ME1: variants seen among roughly 807,000 people sequenced by gnomAD.
ME1 encodes NADP-dependent malic enzyme.
ME1 carries 74 observed loss-of-function variants against 66.4 expected under a neutral mutation model. The ratio of observed to expected loss-of-function variants is 1.11; its 90% CI spans 0.92 to 1.35. The LOEUF is 1.35. Ranked by LOEUF, ME1 falls within the 40% of genes most tolerant of loss-of-function variation. The pLI is 0.00. For missense variants in ME1, 750 were observed against 694.1 expected (o/e 1.08, Z -0.90); for synonymous variants, 251 against 235.6 (o/e 1.07, Z -0.60).
In ME1 at chr6:83,281,806, CAAAAAAAAAAAAAAAAAAAAA is replaced by C. The variant is rs140157932; in HGVS notation, c.705-28089_705-28069del. Among the ~76,000 whole-genome samples, 14 of 13,284 alleles carry C rather than the reference CAAAAAAAAAAAAAAAAAAAAA, an allele frequency of 1.1e-3. No homozygotes were observed. The South Asian group carries it at 0.059, about 56-fold the overall frequency. 8.7% of individuals were successfully genotyped at this position (13,284 alleles called of 152,430 possible). A position where few individuals can be genotyped will look rare whatever the true frequency, so the allele number is the denominator to read the frequency against. ...GGGTGACAGACTGAGACTCTGTCTC[CAAAAAAAAAAAAAAAAAAAAA>C]AAAAAAAAGAAAAGAAAACAAAAAA... is the stretch of plus-strand genomic sequence containing the variant. On this transcript the variant is annotated intron_variant, in intron 6 of 13. Coordinates refer to ENST00000369705, the MANE Select transcript of ME1 (RefSeq NM_002395.6).
intron 7 of ME1, among the ~76,000 whole-genome samples, chr6:83,242,720 A>G (rs1790532087): frequency 6.6e-6 from 1 of 152,196 alleles, no homozygotes; most frequent in Admixed American, 6.5e-5. Flanking sequence ...AAAAAATTAA[A>G]AAGACTAAGA....
intron 6 of ME1, among the ~76,000 whole-genome samples, chr6:83,290,230 T>C (rs576420671): frequency 1.3e-5 from 2 of 152,320 alleles, no homozygotes; most frequent in East Asian, 1.9e-4. Context: ...AGGATGTCGA[T>C]TTTAGATCTC....
chr6:83,359,346 G>A (rs1768960855), intron 3 of ME1, among the ~76,000 whole-genome samples: 1 of 152,198 alleles, frequency 6.6e-6, no homozygotes, highest in South Asian at 2.1e-4. Context: ...ATGAGGAGGT[G>A]CGTTATGCTT....
chr6:83,425,555 G>T (rs554957995), intron 1 of ME1, among the ~76,000 whole-genome samples: 15 of 151,998 alleles, frequency 9.9e-5, no homozygotes, highest in African/African-American at 1.7e-4. Flanking sequence ...ATCAGATCTC[G>T]TGAGAACTCA....
chr6:83,232,579 TAA>T (rs1310539209), intron 9 of ME1, among the ~76,000 whole-genome samples: 5 of 152,064 alleles, frequency 3.3e-5, no homozygotes, highest in Non-Finnish European at 7.4e-5. Context: ...CTATTTGAAA[TAA>T]AAAAGAGGGA....
At chr6:83,214,037 CA>C (rs1789947718) in intron 13 of ME1, among the ~76,000 whole-genome samples, 1 of 152,086 alleles carries the variant, frequency 6.6e-6, no homozygotes, top group South Asian at 2.1e-4. Context: ...ATAATTCACA[CA>C]AAATTCAAGC....
At chr6:83,296,003 C>T (rs559724461) in intron 6 of ME1, among the ~76,000 whole-genome samples, 78 of 152,056 alleles carry the variant, frequency 5.1e-4, no homozygotes, top group African/African-American at 1.8e-3. Flanking sequence ...CAATAATGAG[C>T]GCCAAAATTA....
intron 3 of ME1, among the ~76,000 whole-genome samples, chr6:83,389,972 T>C (rs1769588490): frequency 6.6e-6 from 1 of 151,986 alleles, no homozygotes; most frequent in African/African-American, 2.4e-5. Flanking sequence ...TGATTATCTA[T>C]GACATCTGAA....
chr6:83,334,082 A>G (rs556437944), intron 5 of ME1, among the ~76,000 whole-genome samples: 1 of 152,244 alleles, frequency 6.6e-6, no homozygotes, highest in African/African-American at 2.4e-5. Flanking sequence ...GGAGTGCCAG[A>G]CAGTGGGCGC....
chr6:83,427,187 A>G (rs1770389603), intron 1 of ME1, among the ~76,000 whole-genome samples: 1 of 152,214 alleles, frequency 6.6e-6, no homozygotes, highest in East Asian at 1.9e-4. Flanking sequence ...AAATCTCATA[A>G]ACATGAGGCA....
At chr6:83,357,927 C>A (rs1288617117) in intron 3 of ME1, among the ~76,000 whole-genome samples, 5 of 58,332 alleles carry the variant, frequency 8.6e-5, no homozygotes, top group East Asian at 1.1e-3. Flanking sequence ...CTCTCTCTCT[C>A]TCTCTCTCTA....
intron 1 of ME1, among the ~76,000 whole-genome samples, chr6:83,424,864 T>C (rs904312188): frequency 3.3e-5 from 5 of 152,220 alleles, no homozygotes; most frequent in African/African-American, 1.2e-4. Context: ...CTGGACTTAC[T>C]AGATGGCCAT....
intron 5 of ME1, among the ~76,000 whole-genome samples, chr6:83,321,820 C>T (rs550561375): frequency 6.6e-6 from 1 of 152,246 alleles, no homozygotes; most frequent in Non-Finnish European, 1.5e-5. Context: ...AGACTGCCTC[C>T]TCAAGTGGGT....
intron 6 of ME1, among the ~76,000 whole-genome samples, chr6:83,271,038 A>G (rs1049619277): frequency 6.6e-6 from 1 of 151,136 alleles, no homozygotes; most frequent in African/African-American, 2.4e-5. Flanking sequence ...AAAAAAAAAA[A>G]TCTAACTAGA....
At chr6:83,332,622 G>A (rs149416668) in intron 5 of ME1, among the ~76,000 whole-genome samples, 237 of 152,268 alleles carry the variant, frequency 1.6e-3, no homozygotes, top group Non-Finnish European at 2.6e-3. Flanking sequence ...GGATGAAACT[G>A]GAGGCTATTA....
At chr6:83,401,898 G>A (rs1450934729) in intron 2 of ME1, among the ~76,000 whole-genome samples, 1 of 152,180 alleles carries the variant, frequency 6.6e-6, no homozygotes, top group African/African-American at 2.4e-5. Context: ...TCCATTATGG[G>A]AAGGACAACT....
In ME1 at chr6:83,268,712, C is replaced by T. The variant is rs368681087; in HGVS notation, c.705-14974G>A. Among the ~76,000 whole-genome samples the T allele has an allele frequency of 4.0e-5, 6 of 149,610 alleles. 1 individual carries two copies. In the South Asian group the frequency reaches 6.4e-4, roughly 16 times the overall value. ...CCATAAGTATCTGGGACCACAGGCGCGCATCACCATGCCCCGTTATTATTA... is the reference window on the plus strand; with the variant it reads ...CCATAAGTATCTGGGACCACAGGCGTGCATCACCATGCCCCGTTATTATTA... On this transcript the variant is annotated intron_variant, in intron 6 of 13. Transcript: ENST00000369705.
chr6:83,281,124 C>T (rs796296963), intron 6 of ME1, among the ~76,000 whole-genome samples: 6 of 152,294 alleles, frequency 3.9e-5, no homozygotes, highest in African/African-American at 1.4e-4. Context: ...CTATACAAGT[C>T]TTTGAAAATA....
At chr6:83,231,076 G>A (rs1790299477) in intron 9 of ME1, among the ~76,000 whole-genome samples, 1 of 152,114 alleles carries the variant, frequency 6.6e-6, no homozygotes, top group Admixed American at 6.6e-5. Flanking sequence ...GTCTAAAGAA[G>A]AAAAGCTATA....
Sources: gnomAD v4.1 joint callset for allele counts (sites outside exome capture counted in the v4.1 genomes callset) on GRCh38, gnomAD v4.1.1 for gene constraint, MANE v1.5 for transcripts, NCBI Gene and HGNC (gene_info 2026-07-23, HGNC 2026-07-21) for gene names.